Variants in LHFPL3 observed in about 807,000 individuals in gnomAD.
LHFPL3 encodes LHFPL tetraspan subfamily member 3 protein.
A neutral mutation model predicts 19.3 loss-of-function variants in LHFPL3; 5 were observed. The observed-to-expected ratio is 0.26, with a 90% CI of 0.14 to 0.54. The LOEUF (loss-of-function observed/expected upper bound fraction) is 0.54, where lower values mean the gene tolerates loss of function less well. Ranked by LOEUF, LHFPL3 falls within the 20% of genes least tolerant of loss-of-function variation. The pLI, the probability that LHFPL3 is intolerant of heterozygous loss-of-function variation, is 0.94. For missense variants in LHFPL3, 249 were observed against 307.4 expected, an observed-to-expected ratio of 0.81 and a Z score of 1.42; for synonymous variants, 133 against 126.2, an observed-to-expected ratio of 1.05 and a Z score of -0.36.
intron 1 of LHFPL3, among the ~76,000 whole-genome samples, chr7:104,588,009 G>T (rs1282660409): frequency 2.6e-5 from 4 of 152,118 alleles, no homozygotes; most frequent in African/African-American, 9.7e-5. Flanking sequence ...GTAGATTCTG[G>T]ATATTAGCCC....
At position 104,393,313 on chromosome 7, in the gene LHFPL3, A is replaced by G. The variant is rs565035561; in HGVS notation, c.445+64089A>G. 1.1e-4 allele frequency among the ~76,000 whole-genome samples: 16 copies of G among 152,312 alleles called. No homozygotes were observed. In the South Asian group the frequency reaches 3.3e-3, roughly 32 times the overall value. On this transcript the variant is annotated intron_variant, in intron 1 of 2. Transcript: ENST00000424859. The stretch of plus-strand genomic sequence containing the variant: ...CATATGACCTAGCAGTTCCACTCCT[A>G]GGTAGGTCCTAAAGAGAAATGAAAA...
intron 1 of LHFPL3, among the ~76,000 whole-genome samples, chr7:104,475,556 C>G (rs1340361341): frequency 6.6e-6 from 1 of 152,028 alleles, no homozygotes; most frequent in Non-Finnish European, 1.5e-5. Flanking sequence ...CACTACTGAA[C>G]TGTATACTTA....
intron 1 of LHFPL3, chr7:104,668,232 A>C: frequency 1.2e-6 from 2 of 1,613,202 alleles, no homozygotes. Context: ...AGAGTCTCTA[A>C]GTAACAGGAG....
At position 104,430,392 on chromosome 7, in the gene LHFPL3, A is replaced by ATATATATATG. The variant is rs1791947640; in HGVS notation, c.445+101177_445+101178insGTATATATAT. Among the ~76,000 whole-genome samples, 106 of 56,548 alleles carry ATATATATATG rather than the reference A, an allele frequency of 1.9e-3. 1 individual carries two copies. The highest frequency in any genetic ancestry group is 3.4e-3 in the African/African-American group (34 of 9,860). The allele number at this position is 56,548 out of a possible 152,430, so 37.1% of individuals were successfully genotyped here. Reference sequence around the variant, plus strand: ...TGGGTATATATATATACATATATATATATATATATATACATATATATATAT... The same window carrying ATATATATATG: ...TGGGTATATATATATACATATATATATATATATATGTATATATATATACATATATATATAT... On this transcript the variant is annotated intron_variant, in intron 1 of 2. Transcript: ENST00000424859.
intron 1 of LHFPL3, among the ~76,000 whole-genome samples, chr7:104,377,517 T>G (rs1790738717): frequency 6.6e-6 from 1 of 152,196 alleles, no homozygotes; most frequent in African/African-American, 2.4e-5. Context: ...TTATATTATC[T>G]TTTTATTCTT....
In LHFPL3 at chr7:104,518,794, A is replaced by AGTT. The variant is rs1228447357; in HGVS notation, c.445+189571_445+189572insTTG. Among the ~76,000 whole-genome samples, 5 of 135,020 alleles carry AGTT rather than the reference A, an allele frequency of 3.7e-5. No individual in the cohort carries two copies. In the East Asian group the frequency reaches 1.1e-3, roughly 29 times the overall value. 88.6% of individuals were successfully genotyped at this position (135,020 alleles called of 152,430 possible). A position where few individuals can be genotyped will look rare whatever the true frequency, so the allele number is the denominator to read the frequency against. On this transcript the variant is annotated intron_variant, in intron 1 of 2. Transcript: ENST00000424859. ...GTGAGACTCCATCTCAAAAATAAAT[A>AGTT]GATGATAGATAGATAGATAGATAGA...
At chr7:104,760,608 C>T (rs1183491309) in intron 2 of LHFPL3, among the ~76,000 whole-genome samples, 1 of 143,892 alleles carries the variant, frequency 6.9e-6, no homozygotes, top group Non-Finnish European at 1.6e-5. Flanking sequence ...CAAATATTTT[C>T]CTAGTGTCAT....
intron 2 of LHFPL3, among the ~76,000 whole-genome samples, chr7:104,881,802 T>C (rs532152953): frequency 1.3e-4 from 20 of 152,308 alleles, no homozygotes; most frequent in Non-Finnish European, 2.9e-5. Context: ...GAAACTTCCT[T>C]GTGGTCTTAT....
At chr7:104,410,665 C>A (rs1791519686) in intron 1 of LHFPL3, among the ~76,000 whole-genome samples, 1 of 151,850 alleles carries the variant, frequency 6.6e-6, no homozygotes. Flanking sequence ...CAAACAACAT[C>A]ATGCAAAAGA....
At chr7:104,701,358 C>T (rs1268146535) in intron 1 of LHFPL3, among the ~76,000 whole-genome samples, 1 of 152,106 alleles carries the variant, frequency 6.6e-6, no homozygotes, top group African/African-American at 2.4e-5. Context: ...ACTTACAACT[C>T]CCCCAAAAGT....
intron 2 of LHFPL3, among the ~76,000 whole-genome samples, chr7:104,757,212 GT>G (rs1222121823): frequency 2.0e-5 from 3 of 152,134 alleles, no homozygotes; most frequent in African/African-American, 7.2e-5. Context: ...TTAATGCAAG[GT>G]GGATTAAAGA....
intron 2 of LHFPL3, among the ~76,000 whole-genome samples, chr7:104,764,453 G>A (rs542986282): frequency 6.6e-6 from 1 of 152,160 alleles, no homozygotes; most frequent in Non-Finnish European, 1.5e-5. Context: ...TTATAGGCAT[G>A]AGCCACCGCA....
chr7:104,660,247 C>T lies in LHFPL3; in HGVS notation c.446-76428C>T, dbSNP rs571454247. On this transcript the variant is annotated intron_variant, in intron 1 of 2. Coordinates refer to ENST00000424859, the MANE Select transcript of LHFPL3 (RefSeq NM_199000.3). ...CGATCTCCTGACCTCATGGTCCACC[C>T]GCCTTTGCCTCCCAAAGTGCTGGGA... Among the ~76,000 whole-genome samples the T allele has an allele frequency of 2.5e-4, 38 of 152,326 alleles. No homozygotes were observed. In the South Asian group the frequency reaches 6.8e-3, roughly 27 times the overall value.
rs550336738 is a variant in LHFPL3 at position 104,827,021 on chromosome 7, A to G, written c.683-79166A>G. On this transcript the variant is annotated intron_variant, in intron 2 of 2. Transcript: ENST00000424859. ...TAAAGTTAGGCTAAATAATCTCCAC[A>G]GTGATGTATGGGGGACCCCATCACC... is the stretch of plus-strand genomic sequence containing the variant. 1.5e-3 allele frequency among the ~76,000 whole-genome samples: 227 copies of G among 151,744 alleles called. 1 individual carries two copies. The highest frequency in any genetic ancestry group is 2.2e-3 in the Non-Finnish European group (149 of 68,030).
intron 1 of LHFPL3, among the ~76,000 whole-genome samples, chr7:104,734,512 A>G (rs1318345652): frequency 1.3e-5 from 2 of 152,218 alleles, no homozygotes; most frequent in Admixed American, 6.5e-5. Flanking sequence ...TGATTGAATC[A>G]GCTACTGAAG....
At chr7:104,851,900 T>C (rs1423164099) in intron 2 of LHFPL3, among the ~76,000 whole-genome samples, 1 of 152,054 alleles carries the variant, frequency 6.6e-6, no homozygotes, top group East Asian at 1.9e-4. Flanking sequence ...GCCTCTATTT[T>C]CAAACCACGT....
chr7:104,348,023 A>T (rs1790104652), intron 1 of LHFPL3, among the ~76,000 whole-genome samples: 1 of 152,176 alleles, frequency 6.6e-6, no homozygotes, highest in South Asian at 2.1e-4. Context: ...GGGTTAACAT[A>T]CTGATTTTTC....
At chr7:104,371,907 C>T (rs1024183951) in intron 1 of LHFPL3, among the ~76,000 whole-genome samples, 1 of 152,212 alleles carries the variant, frequency 6.6e-6, no homozygotes. Flanking sequence ...TTTATTCACA[C>T]CAAAGTCTGG....
At chr7:104,603,891 C>G (rs1197544411) in intron 1 of LHFPL3, among the ~76,000 whole-genome samples, 6 of 152,238 alleles carry the variant, frequency 3.9e-5, no homozygotes, top group African/African-American at 1.4e-4. Context: ...AGCCCTGTCT[C>G]TATGGCTTTG....
Sources: allele counts gnomAD v4.1 joint callset (sites outside exome capture counted in the v4.1 genomes callset), GRCh38; gene constraint gnomAD v4.1.1; transcripts MANE v1.5; gene names NCBI Gene and HGNC (gene_info 2026-07-23, HGNC 2026-07-21).